The following LMO3 variants were observed in gnomAD, a reference collection of about 807,000 sequenced individuals.
LMO3 encodes the protein LIM domain only 3, also known as LIM domain only protein 3.
In LMO3, 2 loss-of-function variants were observed where a neutral mutation model predicts 15.8. The ratio of observed to expected loss-of-function variants is 0.13; its 90% CI spans 0.05 to 0.40. The LOEUF is 0.40. LMO3 is among the 10% of genes least tolerant of loss of function. The pLI is 0.99. For missense variants in LMO3, 86 were observed against 182.2 expected, an observed-to-expected ratio of 0.47 and a Z score of 3.04; for synonymous variants, 62 against 63.8, an observed-to-expected ratio of 0.97 and a Z score of 0.13.
chr12:16,564,048 A>G (rs1371313142), intron 2 of LMO3, among the ~76,000 whole-genome samples: 1 of 152,226 alleles, frequency 6.6e-6, no homozygotes, highest in African/African-American at 2.4e-5. Context: ...TACCGGCCAT[A>G]CAATATCAGT....
chr12:16,560,353 A>G lies in LMO3; in HGVS notation c.332+60T>C. The G allele has an allele frequency of 6.5e-7, 1 of 1,533,432 alleles. No homozygotes were observed. The highest frequency in any genetic ancestry group is 8.8e-7 in the Non-Finnish European group (1 of 1,135,504). 95.0% of individuals were successfully genotyped at this position (1,533,432 alleles called of 1,614,324 possible). On this transcript the variant is annotated intron_variant, in intron 3 of 3. Coordinates refer to ENST00000537304, the MANE Select transcript of LMO3 (RefSeq NM_018640.5). This position sits in a 1 kb window ranked among gnomAD's most constrained non-coding sequence, Gnocchi z 5.0. ...TATGAATATAATTTCCACCTATTAAATAAATAGCCAGCACAGAGAGGTTAA... is the reference window on the plus strand; with the variant it reads ...TATGAATATAATTTCCACCTATTAAGTAAATAGCCAGCACAGAGAGGTTAA...
chr12:16,552,662 T>C (rs1014240789), intron 3 of LMO3, among the ~76,000 whole-genome samples: 3 of 152,032 alleles, frequency 2.0e-5, no homozygotes, highest in Non-Finnish European at 2.9e-5. Context: ...TGGAATTTAC[T>C]TTTTTTCCCC....
chr12:16,580,215 C>A (rs1442902842), intron 2 of LMO3, among the ~76,000 whole-genome samples: 1 of 152,184 alleles, frequency 6.6e-6, no homozygotes, highest in East Asian at 1.9e-4. Context: ...GTCCTCCCAC[C>A]TCAATCTCCC....
rs1943729452 is a variant in LMO3 at position 16,598,587 on chromosome 12, TTA to T, written c.206+2066_206+2067del. On this transcript the variant is annotated intron_variant, in intron 2 of 3. Transcript: ENST00000537304. This position sits in a 1 kb window ranked among gnomAD's most constrained non-coding sequence, Gnocchi z 4.3. The stretch of plus-strand genomic sequence containing the variant: ...GAGCCTATCAGGAGGTAACTGAAAG[TTA>T]TTCTACAAAAAGCCACATACACTCT... 6.6e-6 allele frequency: 1 copy of T among 152,164 alleles called. No homozygotes were observed. Among genetic ancestry groups the T allele is most frequent in the Admixed American group, 6.6e-5 (1 of 15,260 alleles). The allele number at this position is 152,164 out of a possible 1,614,324, so 9.4% of individuals were successfully genotyped here.
intron 3 of LMO3, among the ~76,000 whole-genome samples, chr12:16,553,381 C>A (rs1377607887): frequency 6.6e-6 from 1 of 152,086 alleles, no homozygotes; most frequent in Non-Finnish European, 1.5e-5. Flanking sequence ...CAGGGTGTAA[C>A]TGTGTTTTTT....
chr12:16,570,837 T>TAG (rs1176021877), intron 2 of LMO3, among the ~76,000 whole-genome samples: 1 of 152,160 alleles, frequency 6.6e-6, no homozygotes, highest in East Asian at 1.9e-4. Context: ...ATTATTTAAT[T>TAG]CTTGCAGCTA....
rs1405750370 is a variant in LMO3 at position 16,606,053 on chromosome 12, T to A, written c.-9+13A>T. On this transcript the variant is annotated intron_variant, in intron 1 of 3. Transcript: ENST00000537304. ...AATAAGCCGACGCGTGTGTACACAGTTGCTGCACTTACCTTCTCAATTAAG... is the reference window on the plus strand; with the variant it reads ...AATAAGCCGACGCGTGTGTACACAGATGCTGCACTTACCTTCTCAATTAAG... 3.5e-6 allele frequency: 2 copies of A among 563,906 alleles called. No homozygotes were observed. Among genetic ancestry groups the A allele is most frequent in the East Asian group, 6.0e-5 (2 of 33,478 alleles). The allele number at this position is 563,906 out of a possible 1,614,324, so 34.9% of individuals were successfully genotyped here.
At chr12:16,608,250 G>C (rs1944067631), upstream of LMO3, 1 of 152,076 alleles carries the variant, frequency 6.6e-6, no homozygotes, top group African/African-American at 2.4e-5. The surrounding 1 kb of genome is among the most constrained non-coding windows in gnomAD (Gnocchi z 4.1). Flanking sequence ...AGTATGTGTG[G>C]GGAAAGGGAG....
chr12:16,574,023 G>C (rs1015401234), intron 2 of LMO3: 1 of 151,844 alleles, frequency 6.6e-6, no homozygotes, highest in Non-Finnish European at 1.5e-5. Flanking sequence ...CTGCTTCTCC[G>C]CTTCCCCGCT....
In LMO3 at chr12:16,560,343, C is replaced by T; in HGVS notation, c.332+70G>A. 6.7e-7 allele frequency: 1 copy of T among 1,481,714 alleles called. No homozygotes were observed. Among genetic ancestry groups the T allele is most frequent in the Non-Finnish European group, 9.1e-7 (1 of 1,093,808 alleles). 91.8% of individuals were successfully genotyped at this position (1,481,714 alleles called of 1,614,324 possible). On this transcript the variant is annotated intron_variant, in intron 3 of 3. Transcript: ENST00000537304. This position sits in a 1 kb window ranked among gnomAD's most constrained non-coding sequence, Gnocchi z 5.0. ...GCTTTAAATGTATGAATATAATTTC[C>T]ACCTATTAAATAAATAGCCAGCACA... is the stretch of plus-strand genomic sequence containing the variant.
At chr12:16,551,361 G>C in intron 3 of LMO3, 34 bp from the exon 4 acceptor site, 1 of 1,251,964 alleles carries the variant, frequency 8.0e-7, no homozygotes, top group Non-Finnish European at 1.2e-6. Flanking sequence ...ATGTGGTTAA[G>C]ACCATTTCAC....
At chr12:16,577,845 C>A (rs1591802396) in intron 2 of LMO3, among the ~76,000 whole-genome samples, 1 of 152,284 alleles carries the variant, frequency 6.6e-6, no homozygotes, top group South Asian at 2.1e-4. Flanking sequence ...TTCTTTCTAA[C>A]TTTCTTCTAA....
At chr12:16,605,074 G>A in intron 1 of LMO3, 1 of 1,470,946 alleles carries the variant, frequency 6.8e-7, no homozygotes, top group African/African-American at 1.4e-5. Flanking sequence ...GGGGGTGGGG[G>A]AAGGGATGAG....
intron 2 of LMO3, among the ~76,000 whole-genome samples, chr12:16,571,650 G>T (rs1238648733): frequency 6.6e-6 from 1 of 151,954 alleles, no homozygotes; most frequent in Non-Finnish European, 1.5e-5. Context: ...AGAGCAATGA[G>T]AACTCAAAGG....
chr12:16,552,712 A>G (rs1233528297), intron 3 of LMO3, among the ~76,000 whole-genome samples: 1 of 152,094 alleles, frequency 6.6e-6, no homozygotes, highest in Non-Finnish European at 1.5e-5. Context: ...GAAAGCACAG[A>G]CTATGCACTG....
rs142417969 is a variant in LMO3 at position 16,581,683 on chromosome 12, G to T, written c.206+18972C>A. Among the ~76,000 whole-genome samples the T allele has an allele frequency of 7.1e-4, 108 of 152,128 alleles. No homozygotes were observed. In the East Asian group the frequency reaches 0.015, roughly 21 times the overall value. On this transcript the variant is annotated intron_variant, in intron 2 of 3. Coordinates refer to ENST00000537304, the MANE Select transcript of LMO3 (RefSeq NM_018640.5). ...CCATCAGTCTCATTGAGATTTTTCT[G>T]TGATACTTATCTAGCAGGGAAGAAC...
In LMO3 at chr12:16,604,942, C is replaced by A. The variant is rs1457730705; in HGVS notation, c.-9+1124G>T. 1.0e-5 allele frequency: 16 copies of A among 1,598,196 alleles called. No individual in the cohort carries two copies. Among genetic ancestry groups the A allele is most frequent in the Non-Finnish European group, 1.3e-5 (15 of 1,179,780 alleles). ...AGCAGCTTCGCATTGAGCACCAAACCCAAAGGTAGAAGTAGAAGGGGGTCT... is the reference window on the plus strand; with the variant it reads ...AGCAGCTTCGCATTGAGCACCAAACACAAAGGTAGAAGTAGAAGGGGGTCT... On this transcript the variant is annotated intron_variant, in intron 1 of 3. Coordinates refer to ENST00000537304, the MANE Select transcript of LMO3 (RefSeq NM_018640.5). This position sits in a 1 kb window ranked among gnomAD's most constrained non-coding sequence, Gnocchi z 5.3.
At position 16,570,294 on chromosome 12, in the gene LMO3, G is replaced by A. The variant is rs561406962; in HGVS notation, c.207-9756C>T. 2.6e-5 allele frequency among the ~76,000 whole-genome samples: 4 copies of A among 152,142 alleles called. No homozygotes were observed. The South Asian group carries it at 8.3e-4, about 32-fold the overall frequency. On this transcript the variant is annotated intron_variant, in intron 2 of 3. Coordinates refer to ENST00000537304, the MANE Select transcript of LMO3 (RefSeq NM_018640.5). ...TTGATATCTTTACAGACTTCTTAGA[G>A]ACTCATAATTACCTTCTTTTCTATC...
At position 16,597,448 on chromosome 12, in the gene LMO3, G is replaced by A. The variant is rs987581; in HGVS notation, c.206+3207C>T. On this transcript the variant is annotated intron_variant, in intron 2 of 3. Coordinates refer to ENST00000537304, the MANE Select transcript of LMO3 (RefSeq NM_018640.5). The surrounding 1 kb of genome is among the most constrained non-coding windows in gnomAD (Gnocchi z 5.0). ...ATTATCACTACTCAAAGTAACACAA[G>A]TAAAACACAGATCTTTAAGTCTCAT... 0.96 allele frequency among the ~76,000 whole-genome samples: 146,424 copies of A among 151,786 alleles called. 70,837 individuals are homozygous for A. The highest frequency in any genetic ancestry group is 1 in the East Asian group (5,182 of 5,182).
Sources: allele counts gnomAD v4.1 joint callset (sites outside exome capture counted in the v4.1 genomes callset), GRCh38; gene constraint gnomAD v4.1.1; non-coding constraint Gnocchi (gnomAD v3.1); transcripts MANE v1.5; gene names NCBI Gene and HGNC (gene_info 2026-07-23, HGNC 2026-07-21).